Variants in DARS2 observed in about 807,000 individuals in gnomAD.
DARS2 encodes the protein aspartyl-tRNA synthetase 2, mitochondrial.
In DARS2, 63 loss-of-function variants were observed where a neutral mutation model predicts 83.0. The observed-to-expected ratio is 0.76, with a 90% confidence interval of 0.62 to 0.94. The LOEUF is 0.94. Ranked by LOEUF, DARS2 falls within the 40% of genes least tolerant of loss-of-function variation. The probability of loss-of-function intolerance (pLI) is 0.00; values close to 1 mark genes in which losing one functional copy is unlikely to be tolerated. For synonymous variants in DARS2, 250 were observed against 269.3 expected (o/e 0.93, Z 0.70); for missense variants, 675 against 774.4 (o/e 0.87, Z 1.52).
In DARS2 at chr1:173,837,029, G is replaced by T. The variant is rs1261337204; in HGVS notation, c.753G>T (p.Met251Ile). The change falls in exon 8 of 17, where the codon ATG becomes ATT. Residue 251 changes from methionine to isoleucine, a missense_variant. Coordinates refer to ENST00000649689, the MANE Select transcript of DARS2 (RefSeq NM_018122.5). ...QSPQQFKQLLMVGGLDRYFQV... is the reference protein window; with the variant it reads ...QSPQQFKQLLIVGGLDRYFQV... The stretch of plus-strand genomic sequence containing the variant: ...CTCAACAGTTTAAGCAACTTCTGAT[G>T]GTTGGCGGTTTAGACAGGTGAGCTT... The T allele has an allele frequency of 1.9e-6, 3 of 1,613,754 alleles. No individual in the cohort carries two copies. The highest frequency in any genetic ancestry group is 2.5e-6 in the Non-Finnish European group (3 of 1,179,916).
In DARS2 at chr1:173,828,406, G is replaced by C. The variant is rs1446879946; in HGVS notation, c.294+7G>C. On this transcript the variant is annotated splice_region_variant and intron_variant, in intron 3 of 16. Transcript: ENST00000649689. Reference sequence around the variant, plus strand: ...TATCATTCCCCAGGATGAGGTAATAGAAAATTTCCTGTTATTATCTAAAAG... The same window carrying C: ...TATCATTCCCCAGGATGAGGTAATACAAAATTTCCTGTTATTATCTAAAAG... 6.2e-6 allele frequency: 10 copies of C among 1,611,476 alleles called. No homozygotes were observed. The highest frequency in any genetic ancestry group is 8.5e-6 in the Non-Finnish European group (10 of 1,178,428).
intron 11 of DARS2, among the ~76,000 whole-genome samples, chr1:173,842,444 G>T (rs562580853): frequency 1.3e-5 from 2 of 149,518 alleles, no homozygotes; most frequent in African/African-American, 4.9e-5. Context: ...GACTACAGGC[G>T]TATGCCACCA....
intron 11 of DARS2, among the ~76,000 whole-genome samples, chr1:173,843,559 CAAA>C (rs901950682): frequency 2.7e-5 from 4 of 150,384 alleles, no homozygotes; most frequent in African/African-American, 7.3e-5. Flanking sequence ...GACTCCCTCT[CAAA>C]AAAAAAGAAA....
At chr1:173,845,998 A>G (rs1205277165) in intron 12 of DARS2, among the ~76,000 whole-genome samples, 1 of 151,986 alleles carries the variant, frequency 6.6e-6, no homozygotes, top group Non-Finnish European at 1.5e-5. Flanking sequence ...TCTACTAAAA[A>G]TACAAAAAAA....
chr1:173,836,228 A>AT (rs1052944023), intron 7 of DARS2, among the ~76,000 whole-genome samples: 1 of 151,644 alleles, frequency 6.6e-6, no homozygotes, highest in Admixed American at 6.6e-5. Context: ...TCAAAAAGAA[A>AT]TTTTTTTTAA....
intron 11 of DARS2, among the ~76,000 whole-genome samples, chr1:173,844,079 C>T (rs1293006408): frequency 6.6e-6 from 1 of 152,200 alleles, no homozygotes; most frequent in Non-Finnish European, 1.5e-5. Context: ...CATAGGGGAT[C>T]TGATAAAACA....
rs1332636687 is a variant in DARS2, at chr1:173,836,944, C to G, written c.668C>G (p.Ala223Gly). 1 of 1,612,864 alleles carries G rather than the reference C, an allele frequency of 6.2e-7. No individual in the cohort carries two copies. The highest frequency in any genetic ancestry group is 1.7e-5 in the Admixed American group (1 of 59,982). Reference protein sequence around the residue: ...PTLFKRTPGGAKEFLVPSREP... With the variant: ...PTLFKRTPGGGKEFLVPSREP... ...CTCTTTCTCTCTCTTTGAAAGGGTG[C>G]CAAAGAGTTTTTAGTACCATCCAGG... Residue 223 changes from alanine to glycine, a missense_variant, in exon 8 of 17, where the codon GCC becomes GGC. Ala to Gly is a moderately conservative substitution (Grantham distance 60). Transcript: ENST00000649689.
At position 173,839,428 on chromosome 1, in the gene DARS2, T is replaced by C; in HGVS notation, c.902T>C (p.Leu301Pro). ...ATCCAGAGTTTAATTGAGGGTTTGC[T>C]CCAGTATTCCTGGCCCAATGACAAA... ...TGIQSLIEGL[L>P]QYSWPNDKDP... Residue 301 changes from leucine to proline, a missense_variant, in exon 10 of 17, where the codon CTC becomes CCC. Physicochemically the swap from Leu to Pro is moderately conservative, Grantham distance 98. Transcript: ENST00000649689. The C allele has an allele frequency of 6.2e-7, 1 of 1,614,208 alleles. No individual in the cohort carries two copies. Among genetic ancestry groups the C allele is most frequent in the Non-Finnish European group, 8.5e-7 (1 of 1,180,032 alleles).
At chr1:173,846,763 T>C (rs1264892750) in intron 12 of DARS2, among the ~76,000 whole-genome samples, 1 of 151,766 alleles carries the variant, frequency 6.6e-6, no homozygotes, top group Admixed American at 6.6e-5. Context: ...CCCACCGCAC[T>C]CCAGCCTGGG....
intron 7 of DARS2, among the ~76,000 whole-genome samples, chr1:173,835,734 A>G (rs545829325): frequency 2.1e-3 from 314 of 151,696 alleles, no homozygotes; most frequent in Non-Finnish European, 3.4e-3. Context: ...CATGGCCAAC[A>G]TGGTGAAACC....
At chr1:173,848,714 ATTCT>A (rs1044774380) in intron 12 of DARS2, among the ~76,000 whole-genome samples, 3 of 151,994 alleles carry the variant, frequency 2.0e-5, no homozygotes, top group Non-Finnish European at 2.9e-5. Flanking sequence ...TTGCCTTCTG[ATTCT>A]TTATGTTCTG....
Position 173,839,396 on chromosome 1 carries a change from G to T in DARS2, c.870G>T (p.Gln290His). 6.2e-7 allele frequency: 1 copy of T among 1,614,170 alleles called. No individual in the cohort carries two copies. The highest frequency in any genetic ancestry group is 8.5e-7 in the Non-Finnish European group (1 of 1,180,026). ...ACATAGAGATGTCATTTGTAGACCAGACTGGGATCCAGAGTTTAATTGAGG... is the reference window on the plus strand; with the variant it reads ...ACATAGAGATGTCATTTGTAGACCATACTGGGATCCAGAGTTTAATTGAGG... ...QIDIEMSFVD[Q>H]TGIQSLIEGL... Residue 290 changes from glutamine to histidine, a missense_variant, in exon 10 of 17, where the codon CAG becomes CAT. Coordinates refer to ENST00000649689, the MANE Select transcript of DARS2 (RefSeq NM_018122.5).
At chr1:173,829,943 G>A (rs1652732283) in intron 3 of DARS2, among the ~76,000 whole-genome samples, 1 of 151,976 alleles carries the variant, frequency 6.6e-6, no homozygotes, top group Admixed American at 6.6e-5. Flanking sequence ...TTAGCTGGGT[G>A]TGGTGGCATG....
At chr1:173,829,430 A>G (rs956887484) in intron 3 of DARS2, among the ~76,000 whole-genome samples, 9 of 152,140 alleles carry the variant, frequency 5.9e-5, no homozygotes, top group African/African-American at 2.2e-4. Flanking sequence ...TTTAATTACC[A>G]TTGAAATTAG....
Position 173,853,894 on chromosome 1 carries a change from A to T in DARS2, c.1663A>T (p.Thr555Ser). ...AGAGCTGCAGCGTTATATCCTGGCA[A>T]CCTTACTAAAGGTAACAAACATCAT... ...NAELQRYILA[T>S]LLKEDVKMLS... is the part of the protein sequence containing the mutation. Residue 555 changes from threonine (T) to serine (S), a missense_variant, in exon 15 of 17, where the codon ACC becomes TCC. By Grantham distance (58) the Thr-to-Ser change is moderately conservative. Coordinates refer to ENST00000649689, the MANE Select transcript of DARS2 (RefSeq NM_018122.5). The T allele has an allele frequency of 6.2e-7, 1 of 1,613,612 alleles. No homozygotes were observed. Among genetic ancestry groups the T allele is most frequent in the Non-Finnish European group, 8.5e-7 (1 of 1,179,542 alleles).
rs1318170958 is a variant in DARS2, at chr1:173,857,681, C to T, written c.1914C>T (p.Asp638=). The change falls in exon 17 of 17, where the codon GAC becomes GAT. Residue 638 remains aspartate (D), a synonymous_variant. Coordinates refer to ENST00000649689, the MANE Select transcript of DARS2 (RefSeq NM_018122.5). Reference sequence around the variant, plus strand: ...ATATCCGAGTCTCCAAGCCAACAGACTCCAAAGCAGAAAGAGCTCATTGAA... The same window carrying T: ...ATATCCGAGTCTCCAAGCCAACAGATTCCAAAGCAGAAAGAGCTCATTGAA... ...PYHIRVSKPT[D]SKAERAH 2 of 1,614,142 alleles carry T rather than the reference C, an allele frequency of 1.2e-6. No individual in the cohort carries two copies. Among genetic ancestry groups the T allele is most frequent in the Non-Finnish European group, 1.7e-6 (2 of 1,180,020 alleles).
intron 12 of DARS2, among the ~76,000 whole-genome samples, chr1:173,849,154 CTTTT>C (rs75129689): frequency 1.5e-5 from 2 of 133,714 alleles, no homozygotes; most frequent in East Asian, 4.3e-4. Flanking sequence ...TTATCTTGGT[CTTTT>C]TTTTTTTTTT....
chr1:173,846,001 C>T (rs888785284), intron 12 of DARS2, among the ~76,000 whole-genome samples: 5 of 151,926 alleles, frequency 3.3e-5, no homozygotes, highest in African/African-American at 9.7e-5. Context: ...ACTAAAAATA[C>T]AAAAAAATTA....
chr1:173,853,740 G>A lies in DARS2; in HGVS notation c.1564-55G>A, dbSNP rs557321462. The A allele has an allele frequency of 4.0e-5, 63 of 1,558,662 alleles. No individual in the cohort carries two copies. In the African/African-American group the frequency reaches 5.0e-4, roughly 12 times the overall value. On this transcript the variant is annotated intron_variant, in intron 14 of 16. Coordinates refer to ENST00000649689, the MANE Select transcript of DARS2 (RefSeq NM_018122.5). ...TAAAAATCTACAGGGTCTTCAACCCGTAGAACAGAAAACCAGACATTTTCT... is the reference window on the plus strand; with the variant it reads ...TAAAAATCTACAGGGTCTTCAACCCATAGAACAGAAAACCAGACATTTTCT...
Sources: gnomAD v4.1 joint callset for allele counts (sites outside exome capture counted in the v4.1 genomes callset) on GRCh38, gnomAD v4.1.1 for gene constraint, MANE v1.5 for transcripts, NCBI Gene and HGNC (gene_info 2026-07-23, HGNC 2026-07-21) for gene names.